DYNC2H1: variants seen among roughly 807,000 people sequenced by gnomAD.
DYNC2H1 encodes cytoplasmic dynein 2 heavy chain 1.
In DYNC2H1, 410 loss-of-function variants were observed where a neutral mutation model predicts 570.0. The ratio of observed to expected loss-of-function variants is 0.72; its 90% CI spans 0.66 to 0.78. The LOEUF (loss-of-function observed/expected upper bound fraction) is 0.78. Ranked by LOEUF, DYNC2H1 falls within the 30% of genes least tolerant of loss-of-function variation. The pLI is 0.00. For synonymous variants in DYNC2H1, 1,688 were observed against 1,677.6 expected (o/e 1.01, Z -0.15); for missense variants, 4,865 against 5,046.4 (o/e 0.96, Z 1.09).
intron 14 of DYNC2H1, 71 bp from the exon 15 acceptor site, chr11:103,134,249 CA>C: frequency 7.6e-7 from 1 of 1,317,246 alleles, no homozygotes; most frequent in Non-Finnish European, 1.1e-6. Context: ...TGGTATCTGT[CA>C]GGTTTCTCCA....
rs1418627565 is a variant in DYNC2H1 at position 103,395,305 on chromosome 11, C to T, written c.12157-4358C>T. Among the ~76,000 whole-genome samples, 1 of 151,810 alleles carries T rather than the reference C, an allele frequency of 6.6e-6. No individual in the cohort carries two copies. The highest frequency in any genetic ancestry group is 2.4e-5 in the African/African-American group (1 of 41,340). ...TGTTTCAAGAAACTTGCAAGAATGT[C>T]ATGAGGACCCAGTGATTTCTATATA... On this transcript the variant is annotated intron_variant, in intron 83 of 88. Coordinates refer to ENST00000375735, the MANE Select transcript of DYNC2H1 (RefSeq NM_001377.3). This position sits in a 1 kb window ranked among gnomAD's most constrained non-coding sequence, Gnocchi z 4.3.
Position 103,252,665 on chromosome 11 carries a change from G to T in DYNC2H1, c.10043-620G>T, listed in dbSNP as rs137995464. 3.6e-3 allele frequency among the ~76,000 whole-genome samples: 553 copies of T among 152,162 alleles called. 4 individuals are homozygous for T. Among genetic ancestry groups the T allele is most frequent in the Admixed American group, 5.3e-3 (81 of 15,278 alleles). On this transcript the variant is annotated intron_variant, in intron 65 of 88. Coordinates refer to ENST00000375735, the MANE Select transcript of DYNC2H1 (RefSeq NM_001377.3). This position sits in a 1 kb window ranked among gnomAD's most constrained non-coding sequence, Gnocchi z 4.6. The stretch of plus-strand genomic sequence containing the variant: ...CTTCTTTGGAGAAATGTCTATTCAG[G>T]TCCTTTGCCTGCTTTTTAATCAGGT...
At chr11:103,255,625 C>G (rs1865025352) in intron 67 of DYNC2H1, 91 bp downstream of exon 67, 2 of 1,340,568 alleles carry the variant, frequency 1.5e-6, no homozygotes, top group South Asian at 3.2e-5. Context: ...ATAGTATCTT[C>G]AGATTTTTTT....
intron 17 of DYNC2H1, among the ~76,000 whole-genome samples, chr11:103,141,655 T>C (rs1859941352): frequency 6.6e-6 from 1 of 152,090 alleles, no homozygotes; most frequent in Non-Finnish European, 1.5e-5. Context: ...GGGTCAGGGG[T>C]CAGGGGTCAG....
chr11:103,304,105 A>T (rs968673536), intron 76 of DYNC2H1, among the ~76,000 whole-genome samples: 3 of 152,148 alleles, frequency 2.0e-5, no homozygotes, highest in Admixed American at 1.3e-4. Context: ...AGAAGTGAAT[A>T]CATCTTTTTC....
At chr11:103,265,131 T>A (rs184447031) in intron 70 of DYNC2H1, among the ~76,000 whole-genome samples, 1 of 152,116 alleles carries the variant, frequency 6.6e-6, no homozygotes, top group Non-Finnish European at 1.5e-5. Context: ...AAACACCACA[T>A]GTTCTCACAC....
chr11:103,478,970 G>T, intron 88 of DYNC2H1, 125 bp from the exon 89 acceptor site: 1 of 1,087,816 alleles, frequency 9.2e-7, no homozygotes, highest in East Asian at 2.6e-5. Context: ...GGATGATAGG[G>T]GTTCATCATA....
At chr11:103,310,921 C>T (rs1259428338) in intron 78 of DYNC2H1, among the ~76,000 whole-genome samples, 4 of 151,302 alleles carry the variant, frequency 2.6e-5, no homozygotes, top group Non-Finnish European at 5.9e-5. Flanking sequence ...AGGCTGGTCT[C>T]GAACTCCTGA....
At chr11:103,135,457 C>T in intron 15 of DYNC2H1, 38 bp from the exon 16 acceptor site, 1 of 1,431,730 alleles carries the variant, frequency 7.0e-7, no homozygotes, top group South Asian at 1.7e-5. Flanking sequence ...ATTCTACTGC[C>T]TAATTTTTAA....
intron 68 of DYNC2H1, among the ~76,000 whole-genome samples, 174 bp from the exon 69 acceptor site, chr11:103,257,434 T>G (rs1865100122): frequency 6.6e-6 from 1 of 152,254 alleles, no homozygotes; most frequent in South Asian, 2.1e-4. Flanking sequence ...TAGATTTTGC[T>G]ATCTTTTTTA....
rs770358593 is a variant in DYNC2H1, at chr11:103,170,938, G to C, written c.5204G>C (p.Gly1735Ala). 1.2e-6 allele frequency: 2 copies of C among 1,600,572 alleles called. No individual in the cohort carries two copies. The highest frequency in any genetic ancestry group is 1.1e-5 in the South Asian group (1 of 89,114). Residue 1735 changes from glycine (G) to alanine (A), a missense_variant, in exon 34 of 89, where the codon GGG (glycine) becomes GCG (alanine). Coordinates refer to ENST00000375735, the MANE Select transcript of DYNC2H1 (RefSeq NM_001377.3). This position sits in a 1 kb window ranked among gnomAD's most constrained non-coding sequence, Gnocchi z 4.8. ...ATATTTGTTGGTTTGGTGAAGTGTG[G>C]GGCCTGGGGTTGTTTTGATGAATTT... ...GRIFVGLVKC[G>A]AWGCFDEFNR...
chr11:103,397,342 A>G (rs1430409889), intron 83 of DYNC2H1, among the ~76,000 whole-genome samples: 2 of 152,220 alleles, frequency 1.3e-5, no homozygotes, highest in Non-Finnish European at 1.5e-5. Context: ...CAATTGAGTA[A>G]ACATATGGCT....
At chr11:103,136,678 A>G (rs1859576003) in intron 17 of DYNC2H1, among the ~76,000 whole-genome samples, 2 of 152,202 alleles carry the variant, frequency 1.3e-5, no homozygotes, top group African/African-American at 4.8e-5. Flanking sequence ...TAGTGCCACA[A>G]TAAACATACG....
At chr11:103,166,722 C>CT (rs1223518809) in intron 31 of DYNC2H1, among the ~76,000 whole-genome samples, 2 of 151,318 alleles carry the variant, frequency 1.3e-5, no homozygotes, top group Non-Finnish European at 2.9e-5. Flanking sequence ...TAATACATTA[C>CT]TTTTTTTTTC....
chr11:103,420,646 G>T lies in DYNC2H1; in HGVS notation c.12367-15297G>T, dbSNP rs974816580. On this transcript the variant is annotated intron_variant, in intron 84 of 88. Transcript: ENST00000375735. The stretch of plus-strand genomic sequence containing the variant: ...CCAACCAAGCTTCATAAGCAAAGAA[G>T]AAATAAGATCCTTTTCAGACAAGTA... Among the ~76,000 whole-genome samples the T allele has an allele frequency of 4.6e-5, 7 of 152,244 alleles. No homozygotes were observed. The East Asian group carries it at 7.7e-4, about 17-fold the overall frequency.
chr11:103,149,148 T>A (rs554177160), intron 20 of DYNC2H1, among the ~76,000 whole-genome samples: 2 of 152,322 alleles, frequency 1.3e-5, no homozygotes, highest in South Asian at 4.1e-4. Flanking sequence ...TCAGATCTAT[T>A]TGCAGTCTAT....
intron 6 of DYNC2H1, among the ~76,000 whole-genome samples, chr11:103,118,504 C>T (rs908856857): frequency 1.3e-5 from 2 of 151,960 alleles, no homozygotes; most frequent in Non-Finnish European, 1.5e-5. Context: ...GTCTTCCCTG[C>T]CTTTCTCTTA....
Position 103,156,706 on chromosome 11 carries a change from A to T in DYNC2H1, c.4063A>T (p.Ile1355Phe). 1 of 1,613,280 alleles carries T rather than the reference A, an allele frequency of 6.2e-7. No individual in the cohort carries two copies. The highest frequency in any genetic ancestry group is 8.5e-7 in the Non-Finnish European group (1 of 1,179,646). The change falls in exon 26 of 89, where the codon ATT (isoleucine) becomes TTT (phenylalanine). Residue 1355 changes from isoleucine (I) to phenylalanine (F), a missense_variant. Ile to Phe is a conservative substitution (Grantham distance 21). Coordinates refer to ENST00000375735, the MANE Select transcript of DYNC2H1 (RefSeq NM_001377.3). ...GAGAAAGTGGGTGTATTTGGAACCC[A>T]TTTTCGGCCGTGGAGCATTGCCAAA... ...IQRKWVYLEP[I>F]FGRGALPKEQ... is the part of the protein sequence containing the mutation.
chr11:103,188,730 T>G, intron 44 of DYNC2H1, 82 bp downstream of exon 44: 3 of 1,119,402 alleles, frequency 2.7e-6, no homozygotes, highest in East Asian at 3.0e-5. Flanking sequence ...TTTATGATAA[T>G]ACTTTAAAAT....
Sources: gnomAD v4.1 joint callset for allele counts (sites outside exome capture counted in the v4.1 genomes callset) on GRCh38, gnomAD v4.1.1 for gene constraint, Gnocchi (gnomAD v3.1) non-coding constraint, MANE v1.5 for transcripts, NCBI Gene and HGNC (gene_info 2026-07-23, HGNC 2026-07-21) for gene names.